Variants in RPN1 observed in about 807,000 individuals in gnomAD.
RPN1 encodes dolichyl-diphosphooligosaccharide--protein glycosyltransferase subunit 1.
RPN1 carries 12 observed loss-of-function variants against 55.5 expected under a neutral mutation model. The observed-to-expected ratio is 0.22, with a 90% CI of 0.14 to 0.35. The LOEUF (loss-of-function observed/expected upper bound fraction) is 0.35, where lower values mean the gene tolerates loss of function less well. Ranked by LOEUF, RPN1 falls within the 10% of genes least tolerant of loss-of-function variation. RPN1 has a pLI of 1.00. For synonymous variants in RPN1, 317 were observed against 305.9 expected (o/e 1.04, Z -0.38); for missense variants, 679 against 761.3 (o/e 0.89, Z 1.27).
rs764195424 is a variant in RPN1 at position 128,620,567 on chromosome 3, T to C, written c.1668A>G (p.Ala556=). The change falls in exon 10 of 10, where the codon GCA becomes GCG. Residue 556 remains alanine (A), a synonymous_variant. Transcript: ENST00000296255. The part of the protein sequence containing the change: ...DRVSEMQKLD[A]QVKELVLKSA... ...ACTTCAGCACCAGCTCCTTGACCTG[T>C]GCATCCAGCTTCTGCATTTCGCTCA... 1 of 1,613,682 alleles carries C rather than the reference T, an allele frequency of 6.2e-7. No individual in the cohort carries two copies. Among genetic ancestry groups the C allele is most frequent in the Non-Finnish European group, 8.5e-7 (1 of 1,179,752 alleles).
chr3:128,633,149 C>A (rs992564748), intron 3 of RPN1, among the ~76,000 whole-genome samples: 2 of 152,034 alleles, frequency 1.3e-5, no homozygotes, highest in African/African-American at 4.8e-5. Flanking sequence ...CAGTTTCACA[C>A]ACTGGAATCC....
intron 2 of RPN1, among the ~76,000 whole-genome samples, chr3:128,643,719 C>T (rs555249107): frequency 4.0e-5 from 6 of 151,586 alleles, no homozygotes; most frequent in East Asian, 2.0e-4. Context: ...CACTTGAACC[C>T]GGGAGGAGGA....
Position 128,650,524 on chromosome 3 carries a change from G to A in RPN1, c.261+16C>T. 1.3e-6 allele frequency: 2 copies of A among 1,523,432 alleles called. No individual in the cohort carries two copies. The highest frequency in any genetic ancestry group is 1.8e-6 in the Non-Finnish European group (2 of 1,135,132). 94.4% of individuals were successfully genotyped at this position (1,523,432 alleles called of 1,614,324 possible). A position where few individuals can be genotyped will look rare whatever the true frequency, so the allele number is the denominator to read the frequency against. ...AAGGGTCCCGGGAGCGGCGGCGAGG[G>A]GTCGCCCACACTCACCTGCACGCCC... On this transcript the variant is annotated intron_variant, in intron 1 of 9. Transcript: ENST00000296255.
intron 1 of RPN1, among the ~76,000 whole-genome samples, chr3:128,648,534 T>A (rs2069786705): frequency 6.6e-6 from 1 of 151,260 alleles, no homozygotes; most frequent in South Asian, 2.1e-4. Flanking sequence ...CACTCCAGCA[T>A]GGGCAACGAG....
Position 128,637,894 on chromosome 3 carries a change from G to A in RPN1, c.538C>T (p.Arg180Ter). Residue 180 changes from arginine (R) to a stop codon, truncating the protein, a stop_gained, in exon 3 of 10, where the codon CGA (arginine) becomes TGA (stop). Transcript: ENST00000296255. LOFTEE classifies it high-confidence loss of function. ...TQTMRVKLASRNVESYTKLGN... is the reference protein window; with the variant it reads ...TQTMRVKLAS ...AGCTTGGTGTAGCTCTCCACATTTCGAGAGGCAAGCTTCACACGCATGGTT... is the reference window on the plus strand; with the variant it reads ...AGCTTGGTGTAGCTCTCCACATTTCAAGAGGCAAGCTTCACACGCATGGTT... The A allele has an allele frequency of 1.2e-6, 2 of 1,614,136 alleles. No individual in the cohort carries two copies. Among genetic ancestry groups the A allele is most frequent in the South Asian group, 1.1e-5 (1 of 91,086 alleles).
At chr3:128,625,797 C>G in intron 7 of RPN1, 77 bp downstream of exon 7, 2 of 1,558,652 alleles carry the variant, frequency 1.3e-6, no homozygotes, top group Admixed American at 3.6e-5. Flanking sequence ...CAAGGAGGGA[C>G]AGAAGGTGAG....
At chr3:128,623,571 T>G (rs577817188) in intron 8 of RPN1, among the ~76,000 whole-genome samples, 1 of 151,852 alleles carries the variant, frequency 6.6e-6, no homozygotes, top group South Asian at 2.1e-4. Flanking sequence ...TAGCTGGGCA[T>G]GATGGTATGC....
intron 1 of RPN1, among the ~76,000 whole-genome samples, chr3:128,647,517 C>G (rs1205368284): frequency 6.6e-6 from 1 of 151,870 alleles, no homozygotes; most frequent in Admixed American, 6.6e-5. Flanking sequence ...GACCCCATCT[C>G]TGAAAAAACA....
chr3:128,622,347 G>T lies in RPN1; in HGVS notation c.1458C>A (p.Val486=). The T allele has an allele frequency of 6.2e-7, 1 of 1,614,168 alleles. No individual in the cohort carries two copies. The highest frequency in any genetic ancestry group is 8.5e-7 in the Non-Finnish European group (1 of 1,180,028). ...ACITEQVLTL[V]NKRIGLYRHF... is the part of the protein sequence containing the mutation. ...GACGGTAAAGGCCTATTCTCTTGTTGACCAGGGTCAAGACCTGCTCTGTGA... is the reference window on the plus strand; with the variant it reads ...GACGGTAAAGGCCTATTCTCTTGTTTACCAGGGTCAAGACCTGCTCTGTGA... The change falls in exon 9 of 10, where the codon GTC becomes GTA. Residue 486 remains valine (V), a synonymous_variant. Coordinates refer to ENST00000296255, the MANE Select transcript of RPN1 (RefSeq NM_002950.4).
At chr3:128,648,278 C>G (rs972775909) in intron 1 of RPN1, among the ~76,000 whole-genome samples, 6 of 152,114 alleles carry the variant, frequency 3.9e-5, no homozygotes, top group African/African-American at 1.4e-4. Flanking sequence ...GCCTGTAGTC[C>G]CAGCTACTCC....
intron 2 of RPN1, among the ~76,000 whole-genome samples, chr3:128,642,076 A>C (rs1411325082): frequency 6.6e-6 from 1 of 152,240 alleles, no homozygotes; most frequent in Non-Finnish European, 1.5e-5. Context: ...CCTATCCAAG[A>C]CGCTACAAGC....
At chr3:128,645,029 A>G (rs748989996) in intron 1 of RPN1, 46 bp from the exon 2 acceptor site, 2 of 1,122,368 alleles carry the variant, frequency 1.8e-6, no homozygotes, top group Non-Finnish European at 2.7e-6. Context: ...TTTGGCTTCT[A>G]AATTTTGAGT....
In RPN1 at chr3:128,620,212, T is replaced by TA. The variant is rs1560019049; in HGVS notation, c.*198_*199insT. 126 of 394,548 alleles carry TA rather than the reference T, an allele frequency of 3.2e-4. No individual in the cohort carries two copies. The highest frequency in any genetic ancestry group is 6.1e-4 in the African/African-American group (29 of 47,848). The allele number at this position is 394,548 out of a possible 1,614,324, so 24.4% of individuals were successfully genotyped here. The stretch of plus-strand genomic sequence containing the variant: ...GGAGTTTTTTTAAAGTTTTCTTTTT[T>TA]TAAAAAAAAAAAAAAAGAAAGTTAA... On this transcript the variant is annotated 3_prime_UTR_variant, in exon 10 of 10. Transcript: ENST00000296255.
At chr3:128,647,996 C>T (rs1255361024) in intron 1 of RPN1, among the ~76,000 whole-genome samples, 1 of 152,218 alleles carries the variant, frequency 6.6e-6, no homozygotes, top group East Asian at 1.9e-4. Context: ...TGGTGGCTCA[C>T]GCCTGCAATC....
At chr3:128,650,075 C>CT (rs2069804450) in intron 1 of RPN1, among the ~76,000 whole-genome samples, 1 of 152,266 alleles carries the variant, frequency 6.6e-6, no homozygotes, top group African/African-American at 2.4e-5. Flanking sequence ...TTGTCCTCTA[C>CT]TTGAGCCACC....
At chr3:128,644,873 G>A (rs1369296011) in intron 2 of RPN1, 46 bp downstream of exon 2, 2 of 1,065,936 alleles carry the variant, frequency 1.9e-6, no homozygotes, top group Non-Finnish European at 2.9e-6. Context: ...TCCCAACCCT[G>A]ACATAACCTT....
At chr3:128,639,455 G>GA (rs370062932) in intron 2 of RPN1, among the ~76,000 whole-genome samples, 4,850 of 81,720 alleles carry the variant, frequency 0.059, 141 homozygotes, top group African/African-American at 0.1. Flanking sequence ...ACCGTCTCAA[G>GA]AAAAAAAAAA....
intron 4 of RPN1, among the ~76,000 whole-genome samples, 172 bp downstream of exon 4, chr3:128,631,776 T>TG (rs1192612733): frequency 3.3e-5 from 5 of 151,938 alleles, no homozygotes; most frequent in Admixed American, 6.6e-5. Context: ...TCTATATATA[T>TG]GGGGGGGTAT....
At chr3:128,639,107 A>G (rs2069705588) in intron 2 of RPN1, among the ~76,000 whole-genome samples, 1 of 152,234 alleles carries the variant, frequency 6.6e-6, no homozygotes, top group Non-Finnish European at 1.5e-5. Flanking sequence ...GTCCATGTAC[A>G]ATGTAAATAA....
Sources: allele counts gnomAD v4.1 joint callset (sites outside exome capture counted in the v4.1 genomes callset), GRCh38; gene constraint gnomAD v4.1.1; transcripts MANE v1.5; gene names NCBI Gene and HGNC (gene_info 2026-07-23, HGNC 2026-07-21).